The following NSUN7 variants were observed in gnomAD, a reference collection of about 807,000 sequenced individuals.
NSUN7 encodes NOP2/Sun RNA methyltransferase family member 7, also known as protein NSUN7.
A neutral mutation model predicts 58.5 loss-of-function variants in NSUN7; 39 were observed. That is an observed-to-expected ratio of 0.67 (90% confidence interval 0.52 to 0.87). The LOEUF (loss-of-function observed/expected upper bound fraction) is 0.87, where lower values mean the gene tolerates loss of function less well. Ranked by LOEUF, NSUN7 falls within the 40% of genes least tolerant of loss-of-function variation. The pLI, the probability that NSUN7 is intolerant of heterozygous loss-of-function variation, is 0.00. For synonymous variants in NSUN7, 278 were observed against 303.7 expected (o/e 0.92, Z 0.88); for missense variants, 765 against 844.1 (o/e 0.91, Z 1.16).
In NSUN7 at chr4:40,790,710, G is replaced by A. The variant is rs1743039768; in HGVS notation, c.1145G>A (p.Ser382Asn). 6.3e-7 allele frequency: 1 copy of A among 1,591,318 alleles called. No homozygotes were observed. Among genetic ancestry groups the A allele is most frequent in the Non-Finnish European group, 8.5e-7 (1 of 1,171,610 alleles). The change falls in exon 8 of 12, where the codon AGT (serine) becomes AAT (asparagine). Residue 382 changes from serine to asparagine, a missense_variant. Coordinates refer to ENST00000381782, the MANE Select transcript of NSUN7 (RefSeq NM_024677.6). ...CCTCGTTGTTCAGGACTGGGTGTTA[G>A]TAATCCAGTAGAATTTATTTTAAAT... ...LLPRCSGLGV[S>N]NPVEFILNEH...
At chr4:40,785,978 C>G (rs1323457691) in intron 7 of NSUN7, 3 of 1,251,112 alleles carry the variant, frequency 2.4e-6, no homozygotes, top group Non-Finnish European at 3.2e-6. Context: ...GCCTCCCCAG[C>G]GGCTGGGAGA....
At chr4:40,797,583 T>C (rs1214520061) in intron 9 of NSUN7, among the ~76,000 whole-genome samples, 1 of 152,206 alleles carries the variant, frequency 6.6e-6, no homozygotes. Flanking sequence ...TGTCAGTGTA[T>C]GAGGTAGGTT....
chr4:40,766,160 A>G (rs965140109), intron 4 of NSUN7, among the ~76,000 whole-genome samples: 30 of 152,294 alleles, frequency 2.0e-4, no homozygotes, highest in African/African-American at 7.2e-4. Flanking sequence ...GTCTTGTGCC[A>G]GTTTTCCAAG....
In NSUN7 at chr4:40,752,235, C is replaced by G. The variant is rs145197429; in HGVS notation, c.298+1244C>G. Among the ~76,000 whole-genome samples the G allele has an allele frequency of 5.1e-4, 78 of 152,298 alleles. 2 individuals carry two copies. The East Asian group carries it at 0.014, about 27-fold the overall frequency. On this transcript the variant is annotated intron_variant, in intron 2 of 11. Coordinates refer to ENST00000381782, the MANE Select transcript of NSUN7 (RefSeq NM_024677.6). ...GGGCAACACTCTTTTGCATGATTTT[C>G]TTAGTACTTAATGAGCCTTGTACAT...
chr4:40,807,301 C>A, intron 11 of NSUN7, 117 bp downstream of exon 11: 1 of 902,028 alleles, frequency 1.1e-6, no homozygotes, highest in Non-Finnish European at 1.6e-6. Flanking sequence ...ATTTCACAAA[C>A]ACATTTCAGC....
At position 40,750,923 on chromosome 4, in the gene NSUN7, C is replaced by T. The variant is rs769733094; in HGVS notation, c.230C>T (p.Ser77Phe). The T allele has an allele frequency of 6.2e-7, 1 of 1,614,184 alleles. No individual in the cohort carries two copies. Among genetic ancestry groups the T allele is most frequent in the East Asian group, 2.2e-5 (1 of 44,888 alleles). Residue 77 changes from serine to phenylalanine, a missense_variant, in exon 2 of 12, where the codon TCC (serine) becomes TTC (phenylalanine). Ser to Phe is a radical substitution (Grantham distance 155). Transcript: ENST00000381782. ...LIKYGNEPLR[S>F]LSESEDQSFQ... ...AAGTATGGGAATGAACCCCTGCGGTCCTTGTCCGAGTCTGAGGATCAGTCC... is the reference window on the plus strand; with the variant it reads ...AAGTATGGGAATGAACCCCTGCGGTTCTTGTCCGAGTCTGAGGATCAGTCC...
In NSUN7 at chr4:40,766,474, T is replaced by A. The variant is rs1387333486; in HGVS notation, c.488+5173T>A. ...ATAAGCTTTTTGATGTGCTGCTGGA[T>A]TCGGTTTGCCAGTATTTTATTGAGG... On this transcript the variant is annotated intron_variant, in intron 4 of 11. Coordinates refer to ENST00000381782, the MANE Select transcript of NSUN7 (RefSeq NM_024677.6). 6.6e-5 allele frequency among the ~76,000 whole-genome samples: 10 copies of A among 152,012 alleles called. No homozygotes were observed. In the East Asian group the frequency reaches 1.7e-3, roughly 26 times the overall value.
chr4:40,755,741 C>T (rs924648459), intron 2 of NSUN7, among the ~76,000 whole-genome samples: 1 of 152,200 alleles, frequency 6.6e-6, no homozygotes, highest in Non-Finnish European at 1.5e-5. Flanking sequence ...TTCAGCAAAG[C>T]TGTTATACTC....
At chr4:40,776,655 G>A (rs1038720497) in intron 7 of NSUN7, among the ~76,000 whole-genome samples, 21 of 150,638 alleles carry the variant, frequency 1.4e-4, no homozygotes, top group African/African-American at 2.9e-4. Flanking sequence ...TTACTTTGTT[G>A]CCCAGGCTGG....
chr4:40,762,682 G>A (rs1741515758), intron 4 of NSUN7: 1 of 152,242 alleles, frequency 6.6e-6, no homozygotes, highest in African/African-American at 2.4e-5. Context: ...TCTGTGGCCT[G>A]TTAGGAACTG....
Position 40,808,607 on chromosome 4 carries a change from C to A in NSUN7, c.1825C>A (p.Leu609Met). ...CTCACAGACCAGAAAACCCAACAAG[C>A]TGGCCCCCCATCCTGCAGTGCCTGC... is the stretch of plus-strand genomic sequence containing the variant. ...ASSQTRKPNK[L>M]APHPAVPAFV... The change falls in exon 12 of 12, where the codon CTG (leucine) becomes ATG (methionine). Residue 609 changes from leucine (L) to methionine (M), a missense_variant. Leu to Met is a conservative substitution (Grantham distance 15). Transcript: ENST00000381782. 1 of 1,551,762 alleles carries A rather than the reference C, an allele frequency of 6.4e-7. No individual in the cohort carries two copies. The highest frequency in any genetic ancestry group is 8.7e-7 in the Non-Finnish European group (1 of 1,147,020).
Position 40,799,073 on chromosome 4 carries a change from C to CTTTTTTTTTT in NSUN7, c.1400+189_1400+198dup, listed in dbSNP as rs761448412. ...AACCAAGATTCCATAGGGCCTTTTT[C>CTTTTTTTTTT]TTTTTTTTTTTTTTTTTTTTTTTTT... On this transcript the variant is annotated intron_variant, in intron 10 of 11. Coordinates refer to ENST00000381782, the MANE Select transcript of NSUN7 (RefSeq NM_024677.6). Among the ~76,000 whole-genome samples the CTTTTTTTTTT allele has an allele frequency of 3.1e-4, 24 of 76,230 alleles. 7 individuals are homozygous for CTTTTTTTTTT. The highest frequency in any genetic ancestry group is 8.9e-4 in the African/African-American group (18 of 20,154). The allele number at this position is 76,230 out of a possible 152,430, so 50.0% of individuals were successfully genotyped here.
At chr4:40,795,007 C>T (rs1242555774) in intron 9 of NSUN7, among the ~76,000 whole-genome samples, 2 of 152,156 alleles carry the variant, frequency 1.3e-5, no homozygotes, top group East Asian at 3.8e-4. Context: ...ATTTTGAGTA[C>T]CACTGCCTTT....
chr4:40,778,231 G>C (rs1270325812), intron 7 of NSUN7, among the ~76,000 whole-genome samples: 1 of 152,204 alleles, frequency 6.6e-6, no homozygotes, highest in Admixed American at 6.5e-5. Context: ...TGCAGATGGA[G>C]AGGAGAAAAG....
At position 40,775,884 on chromosome 4, in the gene NSUN7, G is replaced by T. The variant is rs1194877932; in HGVS notation, c.826-165G>T. On this transcript the variant is annotated intron_variant, in intron 6 of 11. Coordinates refer to ENST00000381782, the MANE Select transcript of NSUN7 (RefSeq NM_024677.6). The surrounding 1 kb of genome is among the most constrained non-coding windows in gnomAD (Gnocchi z 4.3). ...AAGCTCTTTGTTTTAAACATCAGTT[G>T]TCTTTGTTAACTCTTTACTTAGACA... is the stretch of plus-strand genomic sequence containing the variant. Among the ~76,000 whole-genome samples, 1 of 152,152 alleles carries T rather than the reference G, an allele frequency of 6.6e-6. No homozygotes were observed. Among genetic ancestry groups the T allele is most frequent in the African/African-American group, 2.4e-5 (1 of 41,448 alleles).
intron 2 of NSUN7, among the ~76,000 whole-genome samples, chr4:40,755,849 A>G (rs1218130330): frequency 6.6e-6 from 1 of 152,168 alleles, no homozygotes; most frequent in East Asian, 1.9e-4. Context: ...CAAGCTTCCT[A>G]TTTTCCTTTC....
At chr4:40,795,449 TA>T (rs1743281124) in intron 9 of NSUN7, among the ~76,000 whole-genome samples, 2 of 152,210 alleles carry the variant, frequency 1.3e-5, no homozygotes, top group African/African-American at 4.8e-5. Context: ...ATTTGGTAAA[TA>T]ATAAGCCTTT....
At position 40,785,212 on chromosome 4, in the gene NSUN7, T is replaced by G. The variant is rs572266414; in HGVS notation, c.1037-5390T>G. 3.3e-5 allele frequency among the ~76,000 whole-genome samples: 5 copies of G among 152,086 alleles called. No homozygotes were observed. In the East Asian group the frequency reaches 9.7e-4, roughly 29 times the overall value. Reference sequence around the variant, plus strand: ...CACCACTCTCAGCTATTTTTTTTTTTTTTGGTAGAGACAAGGTCTCACTAT... The same window carrying G: ...CACCACTCTCAGCTATTTTTTTTTTGTTTGGTAGAGACAAGGTCTCACTAT... On this transcript the variant is annotated intron_variant, in intron 7 of 11. Coordinates refer to ENST00000381782, the MANE Select transcript of NSUN7 (RefSeq NM_024677.6).
chr4:40,787,955 C>T (rs554924915), intron 7 of NSUN7, among the ~76,000 whole-genome samples: 10 of 152,312 alleles, frequency 6.6e-5, no homozygotes, highest in African/African-American at 2.4e-4. Context: ...CTGCCTCACC[C>T]TCCTGAGTAG....
Sources: allele counts gnomAD v4.1 joint callset (sites outside exome capture counted in the v4.1 genomes callset), GRCh38; gene constraint gnomAD v4.1.1; non-coding constraint Gnocchi (gnomAD v3.1); transcripts MANE v1.5; gene names NCBI Gene and HGNC (gene_info 2026-07-23, HGNC 2026-07-21).